KIF2C: variants seen among roughly 807,000 people sequenced by gnomAD.
KIF2C encodes the protein kinesin-like protein KIF2C.
In KIF2C, 34 loss-of-function variants were observed where a neutral mutation model predicts 97.4. The ratio of observed to expected loss-of-function variants is 0.35; its 90% CI spans 0.27 to 0.46. KIF2C has a LOEUF of 0.46. KIF2C is among the 20% of genes least tolerant of loss of function. KIF2C has a pLI of 1.00. For missense variants in KIF2C, 750 were observed against 907.6 expected (o/e 0.83, Z 2.23); for synonymous variants, 313 against 318.2 (o/e 0.98, Z 0.17).
intron 10 of KIF2C, among the ~76,000 whole-genome samples, chr1:44,756,699 C>A (rs1649858605): frequency 6.6e-6 from 1 of 151,314 alleles, no homozygotes; most frequent in South Asian, 2.1e-4. Flanking sequence ...ATTACAGGCG[C>A]CTGCCATCAC....
At chr1:44,746,133 C>T (rs974680007) in intron 2 of KIF2C, among the ~76,000 whole-genome samples, 3 of 152,200 alleles carry the variant, frequency 2.0e-5, no homozygotes, top group Admixed American at 2.0e-4. Context: ...CCACCTCGGC[C>T]TCCCAAAGTG....
intron 2 of KIF2C, 37 bp from the exon 3 acceptor site, chr1:44,747,347 A>G (rs567991239): frequency 5.4e-6 from 8 of 1,485,296 alleles, no homozygotes; most frequent in African/African-American, 4.2e-5. Context: ...GGATTGAACA[A>G]TGTTGTTTCA....
intron 2 of KIF2C, among the ~76,000 whole-genome samples, chr1:44,745,464 CTTTTTT>C (rs869293971): frequency 3.9e-4 from 15 of 38,354 alleles, no homozygotes; most frequent in East Asian, 1.7e-3. Context: ...TTGTATATGT[CTTTTTT>C]TTTTTTTTTT....
rs1447463515 is a variant in KIF2C, at chr1:44,740,986, A to C, written c.144A>C (p.Gly48=). 6.2e-7 allele frequency: 1 copy of C among 1,613,674 alleles called. No individual in the cohort carries two copies. The highest frequency in any genetic ancestry group is 1.7e-5 in the Admixed American group (1 of 60,008). Residue 48 remains glycine, a synonymous_variant, in exon 2 of 21, where the codon GGA becomes GGC. Coordinates refer to ENST00000372224, the MANE Select transcript of KIF2C (RefSeq NM_006845.4). ...KSCVSVEWAE[G]GATKGKEIDF... is the part of the protein sequence containing the mutation. ...GTGTTTCAGTGGAATGGGCAGAAGG[A>C]GGTGCCACAAAGGGCAAAGAGGTAG... is the stretch of plus-strand genomic sequence containing the variant.
At chr1:44,746,063 G>C (rs56407881) in intron 2 of KIF2C, among the ~76,000 whole-genome samples, 1 of 151,790 alleles carries the variant, frequency 6.6e-6, no homozygotes, top group African/African-American at 2.4e-5. Context: ...TTTTAGTAGA[G>C]ACAGGGGTTT....
intron 7 of KIF2C, among the ~76,000 whole-genome samples, chr1:44,754,087 G>A (rs1456984418): frequency 6.7e-6 from 1 of 149,730 alleles, no homozygotes; most frequent in African/African-American, 2.5e-5. Flanking sequence ...CCAAGTAGCT[G>A]GGATTACAGG....
chr1:44,760,773 C>G lies in KIF2C; in HGVS notation c.1683+71C>G. 7.8e-7 allele frequency: 1 copy of G among 1,283,882 alleles called. No homozygotes were observed. The highest frequency in any genetic ancestry group is 1.2e-5 in the South Asian group (1 of 80,414). The allele number at this position is 1,283,882 out of a possible 1,614,324, so 79.5% of individuals were successfully genotyped here. On this transcript the variant is annotated intron_variant, in intron 16 of 20. Coordinates refer to ENST00000372224, the MANE Select transcript of KIF2C (RefSeq NM_006845.4). The surrounding 1 kb of genome is among the most constrained non-coding windows in gnomAD (Gnocchi z 4.2). Reference sequence around the variant, plus strand: ...TTGCTTTCCACAGAGACACTTAGTCCTGTCCCTGGGCTGGAAGCTCAGCAC... The same window carrying G: ...TTGCTTTCCACAGAGACACTTAGTCGTGTCCCTGGGCTGGAAGCTCAGCAC...
intron 5 of KIF2C, among the ~76,000 whole-genome samples, chr1:44,751,165 G>A (rs1280274204): frequency 2.7e-5 from 4 of 150,650 alleles, no homozygotes; most frequent in Non-Finnish European, 5.9e-5. Context: ...GCATTAATTA[G>A]CTTTTTTTCT....
intron 7 of KIF2C, 61 bp downstream of exon 7, chr1:44,753,894 A>G (rs1181558854): frequency 3.3e-6 from 3 of 915,862 alleles, no homozygotes; most frequent in East Asian, 5.6e-5. Flanking sequence ...CCGAAACTCT[A>G]CGGGCAACAG....
chr1:44,760,907 C>T lies in KIF2C; in HGVS notation c.1683+205C>T, dbSNP rs781213874. The stretch of plus-strand genomic sequence containing the variant: ...CAAGCGTGGAGGAAAGGATCTATTC[C>T]CTTTAAGATGTGTAGGTGCAGCTCT... On this transcript the variant is annotated intron_variant, in intron 16 of 20. Transcript: ENST00000372224. The surrounding 1 kb of genome is among the most constrained non-coding windows in gnomAD (Gnocchi z 4.2). 54 of 560,012 alleles carry T rather than the reference C, an allele frequency of 9.6e-5. 1 individual carries two copies. The South Asian group carries it at 1.1e-3, about 11-fold the overall frequency. 34.7% of individuals were successfully genotyped at this position (560,012 alleles called of 1,614,324 possible).
chr1:44,766,748 CTGCAT>C, intron 19 of KIF2C, 73 bp from the exon 20 acceptor site: 1 of 1,506,420 alleles, frequency 6.6e-7, no homozygotes, highest in Non-Finnish European at 9.1e-7. Context: ...ACTCAGGTGT[CTGCAT>C]TGCAGTTGGT....
chr1:44,747,540 T>C, intron 3 of KIF2C, 55 bp downstream of exon 3: 2 of 1,576,682 alleles, frequency 1.3e-6, no homozygotes, highest in South Asian at 2.3e-5. Flanking sequence ...ACTTTGCTTA[T>C]TGACTCTTTG....
In KIF2C at chr1:44,756,093, T is replaced by C; in HGVS notation, c.833T>C (p.Ile278Thr). ...LNKQELAKKE[I>T]DVISIPSKCL... ...TCTGCAGAATTGGCCAAGAAAGAAATTGATGTGATTTCCATTCCTAGCAAG... is the reference window on the plus strand; with the variant it reads ...TCTGCAGAATTGGCCAAGAAAGAAACTGATGTGATTTCCATTCCTAGCAAG... The change falls in exon 10 of 21, where the codon ATT (isoleucine) becomes ACT (threonine). Residue 278 changes from isoleucine (I) to threonine (T), a missense_variant. Physicochemically the swap from Ile to Thr is moderately conservative, Grantham distance 89. Transcript: ENST00000372224. 6.2e-7 allele frequency: 1 copy of C among 1,614,132 alleles called. No homozygotes were observed. Among genetic ancestry groups the C allele is most frequent in the East Asian group, 2.2e-5 (1 of 44,886 alleles).
chr1:44,743,917 A>C (rs1649052229), intron 2 of KIF2C, among the ~76,000 whole-genome samples: 1 of 152,218 alleles, frequency 6.6e-6, no homozygotes. Flanking sequence ...AAGAATTAAG[A>C]GGTTCCTAAA....
At position 44,766,902 on chromosome 1, in the gene KIF2C, C is replaced by G; in HGVS notation, c.2048C>G (p.Ala683Gly). The G allele has an allele frequency of 6.2e-7, 1 of 1,614,204 alleles. No individual in the cohort carries two copies. The change falls in exon 20 of 21, where the codon GCG becomes GGG. Residue 683 changes from alanine (A) to glycine (G), a missense_variant. Coordinates refer to ENST00000372224, the MANE Select transcript of KIF2C (RefSeq NM_006845.4). ...DYDLETFVNK[A>G]ESALAQQAKH... The stretch of plus-strand genomic sequence containing the variant: ...GACCTGGAGACCTTTGTGAACAAAG[C>G]GGAATCTGCTCTGGCCCAGCAAGCC...
chr1:44,739,908 T>C lies in KIF2C; in HGVS notation c.-25T>C, dbSNP rs775840503. On this transcript the variant is annotated 5_prime_UTR_variant, in exon 1 of 21. Coordinates refer to ENST00000372224, the MANE Select transcript of KIF2C (RefSeq NM_006845.4). ...AATTGAGGTTTCTTGGTATTGCGCG[T>C]TTCTCTTCCTTGCTGACTCTCCGAA... The C allele has an allele frequency of 4.4e-6, 7 of 1,609,048 alleles. No homozygotes were observed. The Admixed American group carries it at 8.3e-5, about 19-fold the overall frequency.
chr1:44,762,995 C>T (rs1650248949), intron 19 of KIF2C, among the ~76,000 whole-genome samples: 1 of 152,104 alleles, frequency 6.6e-6, no homozygotes, highest in Non-Finnish European at 1.5e-5. Context: ...GTGCTGAATC[C>T]AAGGGCCAAA....
rs3795713 is a variant in KIF2C, at chr1:44,753,223, A to T, written c.531A>T (p.Arg177=). Residue 177 remains arginine, a synonymous_variant, in exon 6 of 21, where the codon CGA becomes CGT. Coordinates refer to ENST00000372224, the MANE Select transcript of KIF2C (RefSeq NM_006845.4). The stretch of plus-strand genomic sequence containing the variant: ...TGGAAGAGCAAGTCCATTCCATCCG[A>T]GGCAGCTCTTCTGCAAACCCTGTGA... ...EEMEEQVHSI[R]GSSSANPVNS... 317,232 of 1,613,134 alleles carry T rather than the reference A, an allele frequency of 0.2. 34,616 individuals carry two copies. The highest frequency in any genetic ancestry group is 0.46 in the African/African-American group (34,437 of 74,880).
At chr1:44,762,768 A>G in intron 19 of KIF2C, 110 bp downstream of exon 19, 1 of 701,360 alleles carries the variant, frequency 1.4e-6, no homozygotes, top group Non-Finnish European at 2.5e-6. Flanking sequence ...TTCACATAGC[A>G]AGAAGCAGCC....
Sources: allele counts gnomAD v4.1 joint callset (sites outside exome capture counted in the v4.1 genomes callset), GRCh38; gene constraint gnomAD v4.1.1; non-coding constraint Gnocchi (gnomAD v3.1); transcripts MANE v1.5; gene names NCBI Gene and HGNC (gene_info 2026-07-23, HGNC 2026-07-21).